The following GPATCH8 variants were observed in gnomAD, a reference collection of about 807,000 sequenced individuals.
GPATCH8 encodes the protein G-patch domain containing 8.
In GPATCH8, 18 loss-of-function variants were observed where a neutral mutation model predicts 118.3. That is an observed-to-expected ratio of 0.15 (90% CI 0.11 to 0.23). The LOEUF is 0.23. GPATCH8 is among the 10% of genes least tolerant of loss of function. The pLI, the probability that GPATCH8 is intolerant of heterozygous loss-of-function variation, is 1.00. For missense variants in GPATCH8, 1,631 were observed against 1,873.8 expected, an observed-to-expected ratio of 0.87 and a Z score of 2.39; for synonymous variants, 659 against 684.7, an observed-to-expected ratio of 0.96 and a Z score of 0.59.
intron 6 of GPATCH8, among the ~76,000 whole-genome samples, chr17:44,412,161 G>A (rs1165234870): frequency 6.6e-6 from 1 of 152,130 alleles, no homozygotes; most frequent in Admixed American, 6.5e-5. Flanking sequence ...GACCTCAGGT[G>A]ATCTGCCCAC....
Position 44,435,994 on chromosome 17 carries a change from A to G in GPATCH8, c.261+484T>C, listed in dbSNP as rs1456610337. ...CAGTGAGCCGAGACTGCGCCATTGC[A>G]CTCTAGCCTGGGCAACAAGAGCGAA... is the stretch of plus-strand genomic sequence containing the variant. On this transcript the variant is annotated intron_variant, in intron 4 of 7. Transcript: ENST00000591680. Among the ~76,000 whole-genome samples the G allele has an allele frequency of 2.3e-5, 3 of 131,818 alleles. No individual in the cohort carries two copies. The East Asian group carries it at 6.7e-4, about 29-fold the overall frequency. The allele number at this position is 131,818 out of a possible 152,430, so 86.5% of individuals were successfully genotyped here. A position where few individuals can be genotyped will look rare whatever the true frequency, so the allele number is the denominator to read the frequency against.
At position 44,400,857 on chromosome 17, in the gene GPATCH8, T is replaced by C; in HGVS notation, c.1220A>G (p.Asn407Ser). The C allele has an allele frequency of 3.7e-6, 6 of 1,614,062 alleles. No homozygotes were observed. Among genetic ancestry groups the C allele is most frequent in the Non-Finnish European group, 4.2e-6 (5 of 1,179,888 alleles). Residue 407 changes from asparagine to serine, a missense_variant, in exon 8 of 8, where the codon AAT becomes AGT. Physicochemically the swap from Asn to Ser is conservative, Grantham distance 46. Around this residue, in one of 8 missense-constraint regions of GPATCH8, gnomAD observed 405 missense variants for 462.7 expected, o/e 0.88. Coordinates refer to ENST00000591680, the MANE Select transcript of GPATCH8 (RefSeq NM_001002909.4). Reference sequence around the variant, plus strand: ...TCTCATAAAAAGTAGAAAGGGAAAATTAGGTTTTACTTTGCAGTGTGCTGG... The same window carrying C: ...TCTCATAAAAAGTAGAAAGGGAAAACTAGGTTTTACTTTGCAGTGTGCTGG... The part of the protein sequence containing the change: ...IPPAHCKVKP[N>S]FPFLLFMRAS...
At chr17:44,464,380 A>G (rs1247703982) in intron 3 of GPATCH8, 92 bp downstream of exon 3, 3 of 830,926 alleles carry the variant, frequency 3.6e-6, no homozygotes, top group Non-Finnish European at 6.4e-6. Flanking sequence ...AAACCCAAGT[A>G]CTTTTTTAAA....
chr17:44,444,033 G>T (rs1447898672), intron 3 of GPATCH8, among the ~76,000 whole-genome samples: 1 of 152,024 alleles, frequency 6.6e-6, no homozygotes, highest in Non-Finnish European at 1.5e-5. Context: ...TGACCTAAAC[G>T]AATTTCCATC....
intron 5 of GPATCH8, among the ~76,000 whole-genome samples, chr17:44,427,242 A>AT (rs2050122987): frequency 6.6e-6 from 1 of 151,988 alleles, no homozygotes; most frequent in South Asian, 2.1e-4. Flanking sequence ...TGCCTGGCTA[A>AT]TTTTTGTATT....
intron 1 of GPATCH8, among the ~76,000 whole-genome samples, chr17:44,500,599 T>G (rs1969983047): frequency 6.6e-6 from 1 of 152,190 alleles, no homozygotes; most frequent in Non-Finnish European, 1.5e-5. Context: ...TCTCCAAAAT[T>G]TGCACTTGAT....
intron 7 of GPATCH8, among the ~76,000 whole-genome samples, chr17:44,402,576 G>C (rs989625132): frequency 6.6e-6 from 1 of 152,030 alleles, no homozygotes; most frequent in Admixed American, 6.6e-5. Context: ...TCGAGGCCAG[G>C]AGATCAAGAC....
At position 44,406,056 on chromosome 17, in the gene GPATCH8, G is replaced by A; in HGVS notation, c.493-5C>T. The A allele has an allele frequency of 1.3e-6, 2 of 1,596,602 alleles. No homozygotes were observed. The highest frequency in any genetic ancestry group is 1.3e-5 in the African/African-American group (1 of 74,652). ...CTGCTTCAGATCTTTTAATCTCTGG[G>A]TTAAAAGAAAGAAAGATACAGAGGG... On this transcript the variant is annotated splice_polypyrimidine_tract_variant and splice_region_variant and intron_variant, in intron 6 of 7. Coordinates refer to ENST00000591680, the MANE Select transcript of GPATCH8 (RefSeq NM_001002909.4).
intron 3 of GPATCH8, among the ~76,000 whole-genome samples, chr17:44,453,731 T>C (rs1232407719): frequency 6.6e-6 from 1 of 151,838 alleles, no homozygotes; most frequent in East Asian, 1.9e-4. Flanking sequence ...AGGGTCTCAC[T>C]ATGTTGCCCA....
chr17:44,462,101 C>T (rs2051575676), intron 3 of GPATCH8, among the ~76,000 whole-genome samples: 1 of 152,100 alleles, frequency 6.6e-6, no homozygotes, highest in South Asian at 2.1e-4. Flanking sequence ...TCTATCTCTT[C>T]TCCCTCCTTT....
At chr17:44,483,176 A>AAAAAAATATATATATAT (rs1555646771) in intron 1 of GPATCH8, among the ~76,000 whole-genome samples, 1 of 12,954 alleles carries the variant, frequency 7.7e-5, no homozygotes. Flanking sequence ...AAAAAAAAAA[A>AAAAAAATATATATATAT]ATATATATAT....
intron 1 of GPATCH8, among the ~76,000 whole-genome samples, chr17:44,497,299 G>C (rs535322601): frequency 3.3e-5 from 5 of 152,306 alleles, no homozygotes; most frequent in East Asian, 3.9e-4. Flanking sequence ...TTCAGAAAAT[G>C]GCAATCTTGG....
At chr17:44,454,550 C>T (rs1170708648) in intron 3 of GPATCH8, among the ~76,000 whole-genome samples, 1 of 152,208 alleles carries the variant, frequency 6.6e-6, no homozygotes, top group Non-Finnish European at 1.5e-5. Flanking sequence ...GCAAGTTTAT[C>T]ATTCTCATTC....
At chr17:44,472,712 T>C (rs1310304224) in intron 2 of GPATCH8, among the ~76,000 whole-genome samples, 1 of 152,136 alleles carries the variant, frequency 6.6e-6, no homozygotes, top group Non-Finnish European at 1.5e-5. Context: ...TTGTTTGTTT[T>C]TGAGATGGAG....
At position 44,400,772 on chromosome 17, in the gene GPATCH8, T is replaced by A. The variant is rs143765658; in HGVS notation, c.1305A>T (p.Lys435Asn). 2.3e-4 allele frequency: 375 copies of A among 1,613,926 alleles called. 1 individual carries two copies. Among genetic ancestry groups the A allele is most frequent in the Non-Finnish European group, 2.8e-4 (329 of 1,179,896 alleles). ...TTTTAGGCTTGGGAGAACTGCCTTT[T>A]TTACTCTCTGGGGCATTCTTTGGGT... ...TTHPKNAPES[K>N]KGSSPKPKSC... Residue 435 changes from lysine to asparagine, a missense_variant, in exon 8 of 8, where the codon AAA becomes AAT. Transcript: ENST00000591680.
At chr17:44,411,509 C>G (rs1285334092) in intron 6 of GPATCH8, among the ~76,000 whole-genome samples, 2 of 152,086 alleles carry the variant, frequency 1.3e-5, no homozygotes, top group Non-Finnish European at 2.9e-5. Flanking sequence ...TGATTATCTA[C>G]ATTTAAATAA....
chr17:44,468,611 C>T (rs1469620201), intron 2 of GPATCH8, among the ~76,000 whole-genome samples: 1 of 151,708 alleles, frequency 6.6e-6, no homozygotes. Flanking sequence ...AGTAACTCTA[C>T]TTAATTTCAG....
Position 44,445,158 on chromosome 17 carries a change from C to A in GPATCH8, c.194-8613G>T, listed in dbSNP as rs1598506854. On this transcript the variant is annotated intron_variant, in intron 3 of 7. Transcript: ENST00000591680. ...TTCAATTTCATTTCTTGTTATCACTCAGTAGTCAAGGAGAAGGAAGCATCA... is the reference window on the plus strand; with the variant it reads ...TTCAATTTCATTTCTTGTTATCACTAAGTAGTCAAGGAGAAGGAAGCATCA... 6.6e-5 allele frequency among the ~76,000 whole-genome samples: 10 copies of A among 152,176 alleles called. 1 individual carries two copies. The South Asian group carries it at 1.9e-3, about 28-fold the overall frequency.
chr17:44,495,105 C>T (rs967528382), intron 1 of GPATCH8, among the ~76,000 whole-genome samples: 14 of 152,068 alleles, frequency 9.2e-5, no homozygotes, highest in African/African-American at 2.9e-4. Flanking sequence ...GAGGCCAAGG[C>T]GGGCAGATCA....
Sources: gnomAD v4.1 joint callset for allele counts (sites outside exome capture counted in the v4.1 genomes callset) on GRCh38, gnomAD v4.1.1 for gene constraint, gnomAD v4.1.1 regional missense constraint, MANE v1.5 for transcripts, NCBI Gene and HGNC (gene_info 2026-07-23, HGNC 2026-07-21) for gene names.